FIGN: variants seen among roughly 807,000 people sequenced by gnomAD.
FIGN encodes the protein fidgetin, microtubule severing factor, also known as fidgetin.
FIGN carries 11 observed loss-of-function variants against 51.3 expected under a neutral mutation model. The ratio of observed to expected loss-of-function variants is 0.21; its 90% CI spans 0.13 to 0.35. FIGN has a LOEUF of 0.35. FIGN is among the 10% of genes least tolerant of loss of function. The pLI is 1.00. For synonymous variants in FIGN, 407 were observed against 363.2 expected, an observed-to-expected ratio of 1.12 and a Z score of -1.37; for missense variants, 857 against 943.6, an observed-to-expected ratio of 0.91 and a Z score of 1.20.
At chr2:163,694,218 C>T (rs1684282002) in intron 2 of FIGN, among the ~76,000 whole-genome samples, 1 of 152,136 alleles carries the variant, frequency 6.6e-6, no homozygotes, top group African/African-American at 2.4e-5. Context: ...TTTGTTTTGC[C>T]CCCACCAACT....
intron 2 of FIGN, among the ~76,000 whole-genome samples, chr2:163,712,019 C>T (rs1684595479): frequency 6.6e-6 from 1 of 152,054 alleles, no homozygotes; most frequent in African/African-American, 2.4e-5. Context: ...TCCCCACCTA[C>T]CACCCTCCAC....
At chr2:163,681,787 A>G (rs1464440161) in intron 2 of FIGN, among the ~76,000 whole-genome samples, 1 of 152,228 alleles carries the variant, frequency 6.6e-6, no homozygotes, top group Non-Finnish European at 1.5e-5. Flanking sequence ...AAACGATGGA[A>G]TCGCTTTTCC....
intron 2 of FIGN, among the ~76,000 whole-genome samples, chr2:163,727,981 A>G (rs970329292): frequency 1.3e-5 from 2 of 152,316 alleles, no homozygotes; most frequent in Middle Eastern, 3.4e-3. Context: ...GAGGGAGGTT[A>G]TTGCAATACA....
intron 2 of FIGN, among the ~76,000 whole-genome samples, chr2:163,716,407 T>C (rs955219715): frequency 6.6e-6 from 1 of 152,218 alleles, no homozygotes; most frequent in Admixed American, 6.5e-5. Context: ...ACAAAGGATG[T>C]AATTTATATT....
chr2:163,690,572 A>G lies in FIGN; in HGVS notation c.25+44331T>C, dbSNP rs560233938. Among the ~76,000 whole-genome samples, 10 of 152,288 alleles carry G rather than the reference A, an allele frequency of 6.6e-5. No homozygotes were observed. In the South Asian group the frequency reaches 1.2e-3, roughly 19 times the overall value. On this transcript the variant is annotated intron_variant, in intron 2 of 2. Coordinates refer to ENST00000333129, the MANE Select transcript of FIGN (RefSeq NM_018086.4). ...TAATGCATTGGCATTTAGTATGATT[A>G]TTAACAATACCAGTCTAGTCTAGGC...
At position 163,605,461 on chromosome 2, in the gene FIGN, A is replaced by T. The variant is rs1252361856; in HGVS notation, c.*4091T>A. ...GCTTTACGTTTCAAAAGAAAAAAAA[A>T]CACATTAAAACACTTCAAATTGTAA... On this transcript the variant is annotated 3_prime_UTR_variant, in exon 3 of 3. Coordinates refer to ENST00000333129, the MANE Select transcript of FIGN (RefSeq NM_018086.4). The T allele has an allele frequency of 3.3e-5, 5 of 152,050 alleles. No individual in the cohort carries two copies. Among genetic ancestry groups the T allele is most frequent in the African/African-American group, 1.2e-4 (5 of 41,408 alleles). 9.4% of individuals were successfully genotyped at this position (152,050 alleles called of 1,614,324 possible). A position where few individuals can be genotyped will look rare whatever the true frequency, so the allele number is the denominator to read the frequency against.
At chr2:163,691,045 T>A (rs1386647450) in intron 2 of FIGN, among the ~76,000 whole-genome samples, 2 of 152,172 alleles carry the variant, frequency 1.3e-5, no homozygotes, top group Non-Finnish European at 2.9e-5. Flanking sequence ...TTCAGTCTTT[T>A]GCTTAGAGTG....
At chr2:163,733,041 G>GA (rs1684956481) in intron 2 of FIGN, among the ~76,000 whole-genome samples, 1 of 152,138 alleles carries the variant, frequency 6.6e-6, no homozygotes, top group African/African-American at 2.4e-5. Flanking sequence ...TAAAGAATTA[G>GA]AAAACAAGAG....
chr2:163,660,684 T>C lies in FIGN; in HGVS notation c.26-48878A>G, dbSNP rs866437542. ...ATATACATATACATATATATATATA[T>C]ACACATATACATATATATGTATACA... On this transcript the variant is annotated intron_variant, in intron 2 of 2. Coordinates refer to ENST00000333129, the MANE Select transcript of FIGN (RefSeq NM_018086.4). Among the ~76,000 whole-genome samples, 417 of 118,836 alleles carry C rather than the reference T, an allele frequency of 3.5e-3. 32 individuals are homozygous for C. The highest frequency in any genetic ancestry group is 0.013 in the African/African-American group (386 of 28,672). 78.0% of individuals were successfully genotyped at this position (118,836 alleles called of 152,430 possible). A position where few individuals can be genotyped will look rare whatever the true frequency, so the allele number is the denominator to read the frequency against.
rs1684340476 is a variant in FIGN at position 163,697,457 on chromosome 2, G to C, written c.25+37446C>G. On this transcript the variant is annotated intron_variant, in intron 2 of 2. Transcript: ENST00000333129. Reference sequence around the variant, plus strand: ...CCCCAACCCGGAGTCACACCACAGTGGTCCTCTCAGAGGCAAGTCAGGATG... The same window carrying C: ...CCCCAACCCGGAGTCACACCACAGTCGTCCTCTCAGAGGCAAGTCAGGATG... Among the ~76,000 whole-genome samples, 3 of 152,030 alleles carry C rather than the reference G, an allele frequency of 2.0e-5. No homozygotes were observed. The South Asian group carries it at 6.2e-4, about 32-fold the overall frequency.
chr2:163,698,804 G>A (rs1341618970), intron 2 of FIGN, among the ~76,000 whole-genome samples: 1 of 152,120 alleles, frequency 6.6e-6, no homozygotes, highest in Non-Finnish European at 1.5e-5. Flanking sequence ...TCTCACACCA[G>A]AGCCTGCCAG....
chr2:163,671,662 C>A (rs1403210352), intron 2 of FIGN, among the ~76,000 whole-genome samples: 1 of 152,124 alleles, frequency 6.6e-6, no homozygotes, highest in Non-Finnish European at 1.5e-5. Context: ...CAAAATTTCA[C>A]TTTTCTAGGT....
chr2:163,670,335 A>AC (rs1683856878), intron 2 of FIGN, among the ~76,000 whole-genome samples: 1 of 152,066 alleles, frequency 6.6e-6, no homozygotes, highest in Non-Finnish European at 1.5e-5. Context: ...AAAAAAACAA[A>AC]CCCCCCACAA....
rs142888864 is a variant in FIGN at position 163,728,633 on chromosome 2, A to G, written c.25+6270T>C. On this transcript the variant is annotated intron_variant, in intron 2 of 2. Coordinates refer to ENST00000333129, the MANE Select transcript of FIGN (RefSeq NM_018086.4). ...TTAGTATCTTTTTCGGCAGAGGCAG[A>G]TGGAATCATTGTGGAATAGTCAGTC... is the stretch of plus-strand genomic sequence containing the variant. 3.2e-4 allele frequency among the ~76,000 whole-genome samples: 49 copies of G among 152,260 alleles called. No homozygotes were observed. In the East Asian group the frequency reaches 4.6e-3, roughly 14 times the overall value.
chr2:163,627,986 T>C (rs937711352), intron 2 of FIGN, among the ~76,000 whole-genome samples: 5 of 152,184 alleles, frequency 3.3e-5, no homozygotes, highest in Non-Finnish European at 5.9e-5. Context: ...AAAATTAGAA[T>C]ACAAAAACAC....
intron 2 of FIGN, among the ~76,000 whole-genome samples, chr2:163,681,882 T>A (rs1212545346): frequency 6.6e-6 from 1 of 152,174 alleles, no homozygotes; most frequent in African/African-American, 2.4e-5. Context: ...AAACACTCTT[T>A]TTTCTTCAAA....
chr2:163,618,709 G>C (rs937720610), intron 2 of FIGN, among the ~76,000 whole-genome samples: 1 of 152,054 alleles, frequency 6.6e-6, no homozygotes, highest in Admixed American at 6.6e-5. Flanking sequence ...CTGGGGACCA[G>C]CTCCCTCCTT....
At chr2:163,670,002 G>A (rs1306715272) in intron 2 of FIGN, among the ~76,000 whole-genome samples, 2 of 152,074 alleles carry the variant, frequency 1.3e-5, no homozygotes, top group African/African-American at 2.4e-5. Flanking sequence ...TTACATCAAT[G>A]AAGTATCTAA....
At chr2:163,682,237 C>T (rs1445479207) in intron 2 of FIGN, among the ~76,000 whole-genome samples, 2 of 152,038 alleles carry the variant, frequency 1.3e-5, no homozygotes, top group Non-Finnish European at 2.9e-5. Context: ...TATAAAAATC[C>T]CATTTGTTTC....
Sources: gnomAD v4.1 joint callset for allele counts (sites outside exome capture counted in the v4.1 genomes callset) on GRCh38, gnomAD v4.1.1 for gene constraint, MANE v1.5 for transcripts, NCBI Gene and HGNC (gene_info 2026-07-23, HGNC 2026-07-21) for gene names.